The following SAMD12 variants were observed in gnomAD, a reference collection of about 807,000 sequenced individuals.
The protein encoded by SAMD12 is sterile alpha motif domain containing 12.
Under a neutral mutation model 15.0 loss-of-function variants are expected in SAMD12, and 9 were observed. The ratio of observed to expected loss-of-function variants is 0.60; its 90% CI spans 0.36 to 1.05. The LOEUF (loss-of-function observed/expected upper bound fraction) is 1.05, where lower values mean the gene tolerates loss of function less well. SAMD12 is among the 50% of genes least tolerant of loss of function. SAMD12 has a pLI of 0.01. For synonymous variants in SAMD12, 86 were observed against 90.1 expected (o/e 0.96, Z 0.25); for missense variants, 230 against 234.2 (o/e 0.98, Z 0.12).
At chr8:118,283,258 T>C (rs1006202567) in intron 4 of SAMD12, among the ~76,000 whole-genome samples, 21 of 152,194 alleles carry the variant, frequency 1.4e-4, no homozygotes, top group African/African-American at 4.6e-4. Flanking sequence ...TTCATTTAGA[T>C]CTTATTCCTA....
chr8:118,456,487 A>G (rs1254718855), intron 2 of SAMD12, among the ~76,000 whole-genome samples: 1 of 152,232 alleles, frequency 6.6e-6, no homozygotes, highest in African/African-American at 2.4e-5. Flanking sequence ...GAATTATACA[A>G]TAAGTATGGA....
intron 4 of SAMD12, among the ~76,000 whole-genome samples, chr8:118,365,178 C>A (rs1324638351): frequency 6.6e-6 from 1 of 152,198 alleles, no homozygotes; most frequent in East Asian, 1.9e-4. Context: ...TTCTGACCAA[C>A]TCCTAACCCT....
intron 4 of SAMD12, among the ~76,000 whole-genome samples, chr8:118,343,731 T>G (rs1039078511): frequency 5.3e-5 from 8 of 151,974 alleles, no homozygotes; most frequent in African/African-American, 1.5e-4. Context: ...CACAGACCCC[T>G]TGGGCCAAGG....
chr8:118,386,539 G>A (rs764325531), intron 3 of SAMD12, among the ~76,000 whole-genome samples: 3 of 152,168 alleles, frequency 2.0e-5, no homozygotes, highest in Admixed American at 6.5e-5. Flanking sequence ...ATGCTGTTGG[G>A]TGGATATTAT....
intron 3 of SAMD12, among the ~76,000 whole-genome samples, chr8:118,430,371 CTTTT>C (rs35835490): frequency 2.1e-5 from 3 of 146,042 alleles, no homozygotes; most frequent in African/African-American, 7.6e-5. Flanking sequence ...CTGTAATTGC[CTTTT>C]TTTTTTTTGA....
At chr8:118,442,318 T>C (rs1822788107) in intron 2 of SAMD12, among the ~76,000 whole-genome samples, 1 of 152,202 alleles carries the variant, frequency 6.6e-6, no homozygotes, top group African/African-American at 2.4e-5. Flanking sequence ...CAGACATAGC[T>C]TGCTATTTAA....
chr8:118,189,212 G>A (rs17507131), downstream of SAMD12, among the ~76,000 whole-genome samples: 1,878 of 152,136 alleles, frequency 0.012, 44 homozygotes, highest in African/African-American at 0.043. Context: ...TTGGTGCTGG[G>A]GGAATTCTGT....
chr8:118,500,009 C>T (rs1008033616), intron 2 of SAMD12, among the ~76,000 whole-genome samples: 4 of 100,292 alleles, frequency 4.0e-5, no homozygotes, highest in Non-Finnish European at 4.5e-5. Flanking sequence ...CTGTACGGTC[C>T]CCCCACATAC....
intron 2 of SAMD12, among the ~76,000 whole-genome samples, chr8:118,470,483 A>G (rs970698679): frequency 6.6e-6 from 1 of 152,196 alleles, no homozygotes; most frequent in African/African-American, 2.4e-5. Context: ...GGCTCTGTCA[A>G]CACTGACCCG....
intron 4 of SAMD12, among the ~76,000 whole-genome samples, chr8:118,251,638 A>C (rs1016271151): frequency 1.3e-5 from 2 of 152,100 alleles, no homozygotes; most frequent in Non-Finnish European, 2.9e-5. Context: ...AAGCACCTTC[A>C]ATGGGGAAAT....
chr8:118,409,066 G>GA, intron 3 of SAMD12, among the ~76,000 whole-genome samples: 1 of 151,980 alleles, frequency 6.6e-6, no homozygotes, highest in East Asian at 1.9e-4. Flanking sequence ...GCCCGGCTAA[G>GA]AAAAAATTCA....
chr8:118,348,538 A>AT (rs1279028371), intron 4 of SAMD12, among the ~76,000 whole-genome samples: 2 of 151,678 alleles, frequency 1.3e-5, no homozygotes, highest in Non-Finnish European at 2.9e-5. Context: ...CGCCCAGCTA[A>AT]TTTTTTTGTG....
At chr8:118,221,776 G>A (rs1396478305) in intron 4 of SAMD12, among the ~76,000 whole-genome samples, 1 of 152,226 alleles carries the variant, frequency 6.6e-6, no homozygotes, top group Non-Finnish European at 1.5e-5. Flanking sequence ...TCTGCAGGTA[G>A]GGGATTATAT....
intron 3 of SAMD12, among the ~76,000 whole-genome samples, chr8:118,385,175 C>T (rs372865880): frequency 6.6e-6 from 1 of 152,032 alleles, no homozygotes; most frequent in African/African-American, 2.4e-5. Flanking sequence ...ATGAGGTGCC[C>T]GGGTACTTAG....
chr8:118,425,890 T>C (rs1000835256), intron 3 of SAMD12, among the ~76,000 whole-genome samples: 1 of 152,212 alleles, frequency 6.6e-6, no homozygotes, highest in Non-Finnish European at 1.5e-5. Flanking sequence ...GGTAACCTAA[T>C]GGACTTTTCA....
chr8:118,348,866 C>T (rs1205017723), intron 4 of SAMD12, among the ~76,000 whole-genome samples: 3 of 152,102 alleles, frequency 2.0e-5, no homozygotes, highest in African/African-American at 2.4e-5. Flanking sequence ...CCACCTGGGC[C>T]GAGGAAGCCC....
At chr8:118,150,073 C>T in the SAMD12 span, among the ~76,000 whole-genome samples, 1 of 152,134 alleles carries the variant, frequency 6.6e-6, no homozygotes, top group Non-Finnish European at 1.5e-5. Flanking sequence ...ATTGTTATAA[C>T]AGAAGAGGTG....
intron 2 of SAMD12, among the ~76,000 whole-genome samples, chr8:118,552,839 G>T (rs562675249): frequency 5.9e-5 from 9 of 151,934 alleles, no homozygotes; most frequent in South Asian, 4.2e-4. Context: ...AAAGTCTCAG[G>T]ATACAAAATC....
intron 4 of SAMD12, among the ~76,000 whole-genome samples, chr8:118,321,144 A>ATATATATATAT (rs1816242362): frequency 1.1e-5 from 1 of 94,500 alleles, no homozygotes; most frequent in East Asian, 4.2e-4. Flanking sequence ...ATAGATAATA[A>ATATATATATAT]ATATATATAT....
Sources: allele counts gnomAD v4.1 joint callset (sites outside exome capture counted in the v4.1 genomes callset), GRCh38; gene constraint gnomAD v4.1.1; transcripts MANE v1.5; gene names NCBI Gene and HGNC (gene_info 2026-07-23, HGNC 2026-07-21).